EFHC2: variants seen among roughly 807,000 people sequenced by gnomAD.
EFHC2 encodes the protein EF-hand domain-containing family member C2.
A neutral mutation model predicts 52.7 loss-of-function variants in EFHC2; 18 were observed. That is an observed-to-expected ratio of 0.34 (90% CI 0.24 to 0.51). The LOEUF (loss-of-function observed/expected upper bound fraction) is 0.51. Ranked by LOEUF, EFHC2 falls within the 20% of genes least tolerant of loss-of-function variation. EFHC2 has a pLI of 0.97. For synonymous variants in EFHC2, 203 were observed against 204.1 expected (o/e 0.99, Z 0.04); for missense variants, 513 against 562.5 (o/e 0.91, Z 0.89).
chrX:44,171,721 G>T (rs1026404312), intron 13 of EFHC2, among the ~76,000 whole-genome samples: 1 of 111,860 alleles, frequency 8.9e-6, no homozygotes, highest in Non-Finnish European at 1.9e-5. Context: ...TCGATACTCT[G>T]TTTGTCCATA....
intron 1 of EFHC2, among the ~76,000 whole-genome samples, chrX:44,321,402 C>A (rs773680820): frequency 9.0e-6 from 1 of 110,981 alleles, no homozygotes; most frequent in African/African-American, 3.3e-5. Context: ...GAAGTTCAAG[C>A]AAGAAGTCGA....
At chrX:44,171,950 A>G (rs1349582170) in intron 13 of EFHC2, among the ~76,000 whole-genome samples, 3 of 111,288 alleles carry the variant, frequency 2.7e-5, no homozygotes, top group Non-Finnish European at 5.7e-5. Context: ...CACAATAACT[A>G]CCACATGGCT....
At chrX:44,255,857 T>C (rs987912885) in intron 4 of EFHC2, among the ~76,000 whole-genome samples, 2 of 111,560 alleles carry the variant, frequency 1.8e-5, no homozygotes, top group African/African-American at 6.5e-5. Context: ...ATTCTAAAGT[T>C]GACCACATAA....
At chrX:44,152,625 C>G (rs759293220) in intron 14 of EFHC2, among the ~76,000 whole-genome samples, 1 of 110,741 alleles carries the variant, frequency 9.0e-6, no homozygotes, top group African/African-American at 3.3e-5. Context: ...GCTAAACCCA[C>G]TCCTAAGGGG....
intron 11 of EFHC2, among the ~76,000 whole-genome samples, chrX:44,212,768 G>A (rs1387466767): frequency 1.8e-5 from 2 of 110,849 alleles, no homozygotes; most frequent in Admixed American, 9.6e-5. Context: ...CTGGAGTGCA[G>A]TGGCGCGACC....
At chrX:44,274,718 G>A (rs1481074510) in intron 2 of EFHC2, among the ~76,000 whole-genome samples, 1 of 110,132 alleles carries the variant, frequency 9.1e-6, no homozygotes, top group Non-Finnish European at 1.9e-5. Flanking sequence ...ATGAGACCCC[G>A]TTTTTACAAA....
intron 2 of EFHC2, among the ~76,000 whole-genome samples, chrX:44,305,591 T>C (rs901371557): frequency 2.7e-5 from 3 of 112,846 alleles, no homozygotes; most frequent in Non-Finnish European, 1.9e-5. Context: ...CGAAGGCAAG[T>C]GCCTCATTTG....
At chrX:44,271,532 G>A (rs1473384313) in intron 3 of EFHC2, among the ~76,000 whole-genome samples, 2 of 111,162 alleles carry the variant, frequency 1.8e-5, no homozygotes, top group East Asian at 2.8e-4. Flanking sequence ...GAATCAGCTC[G>A]TCAAGGAACT....
intron 3 of EFHC2, among the ~76,000 whole-genome samples, chrX:44,270,353 C>T (rs1242601134): frequency 9.0e-6 from 1 of 111,620 alleles, no homozygotes; most frequent in African/African-American, 3.3e-5. Context: ...GCATGACAAC[C>T]TTATTCTCAG....
At chrX:44,157,488 T>A (rs1345886453) in intron 14 of EFHC2, among the ~76,000 whole-genome samples, 1 of 111,410 alleles carries the variant, frequency 9.0e-6, no homozygotes, top group Non-Finnish European at 1.9e-5. Context: ...CTCTCTGGCT[T>A]CTGGGTGGGT....
chrX:44,148,997 C>G, intron 14 of EFHC2, 101 bp from the exon 15 acceptor site: 1 of 698,040 alleles, frequency 1.4e-6, no homozygotes. Flanking sequence ...TTTCTACCAT[C>G]TACTTTAGGT....
Position 44,317,679 on chromosome X carries a change from G to A in EFHC2, c.43-4923C>T, listed in dbSNP as rs753426580. Among the ~76,000 whole-genome samples the A allele has an allele frequency of 2.5e-4, 28 of 112,958 alleles. No homozygotes were observed. In the South Asian group the frequency reaches 8.0e-3, roughly 32 times the overall value. Reference sequence around the variant, plus strand: ...TGCATGCGTATAGTCCCAGCTACTCGGGAGGCTGAGGTGAAAGGAGCGCTT... The same window carrying A: ...TGCATGCGTATAGTCCCAGCTACTCAGGAGGCTGAGGTGAAAGGAGCGCTT... On this transcript the variant is annotated intron_variant, in intron 1 of 14. Coordinates refer to ENST00000420999, the MANE Select transcript of EFHC2 (RefSeq NM_025184.4).
chrX:44,222,356 A>G (rs56264737), intron 11 of EFHC2, among the ~76,000 whole-genome samples: 3,905 of 111,838 alleles, frequency 0.035, 191 homozygotes, highest in African/African-American at 0.12. Flanking sequence ...ATGTGGGTCC[A>G]ATTTCTATTT....
chrX:44,330,085 CA>C (rs34888507), intron 1 of EFHC2, among the ~76,000 whole-genome samples: 810 of 46,318 alleles, frequency 0.017, 2 homozygotes, highest in African/African-American at 0.031. Flanking sequence ...CCTGTCTCTA[CA>C]AAAAAAAAAA....
chrX:44,331,510 A>C (rs1697011542), intron 1 of EFHC2, among the ~76,000 whole-genome samples: 1 of 111,888 alleles, frequency 8.9e-6, no homozygotes, highest in Admixed American at 9.5e-5. Flanking sequence ...TGTAGGTTAG[A>C]CTAAATACAC....
intron 2 of EFHC2, 149 bp from the exon 3 acceptor site, chrX:44,272,985 C>A (rs978972615): frequency 1.1e-5 from 5 of 440,906 alleles, no homozygotes; most frequent in Middle Eastern, 6.4e-4. Flanking sequence ...ATCAGCCATG[C>A]GAATGGATAT....
At chrX:44,148,946 A>G (rs1490558498) in intron 14 of EFHC2, 50 bp from the exon 15 acceptor site, 10 of 1,048,359 alleles carry the variant, frequency 9.5e-6, no homozygotes, top group Non-Finnish European at 1.3e-5. Context: ...TTCAAAGTAC[A>G]GTTTTGAAAA....
intron 2 of EFHC2, among the ~76,000 whole-genome samples, chrX:44,312,091 C>T (rs935184524): frequency 8.9e-6 from 1 of 112,288 alleles, no homozygotes; most frequent in African/African-American, 3.2e-5. Flanking sequence ...TACTTTTGTT[C>T]TTGAATTTAT....
rs1160376654 is a variant in EFHC2, at chrX:44,168,486, T to C, written c.2043-4459A>G. 2.8e-4 allele frequency among the ~76,000 whole-genome samples: 30 copies of C among 108,197 alleles called. 1 individual carries two copies. Among genetic ancestry groups the C allele is most frequent in the Admixed American group, 2.3e-3 (23 of 10,199 alleles). 94.0% of individuals were successfully genotyped at this position (108,197 alleles called of 115,157 possible). The stretch of plus-strand genomic sequence containing the variant: ...GGCGGAGCTTGCAGTGAGCCGAGAT[T>C]GCGCCACTACACTCCGGCCTGGGCG... On this transcript the variant is annotated intron_variant, in intron 13 of 14. Coordinates refer to ENST00000420999, the MANE Select transcript of EFHC2 (RefSeq NM_025184.4).
Sources: gnomAD v4.1 joint callset for allele counts (sites outside exome capture counted in the v4.1 genomes callset) on GRCh38, gnomAD v4.1.1 for gene constraint, MANE v1.5 for transcripts, NCBI Gene and HGNC (gene_info 2026-07-23, HGNC 2026-07-21) for gene names.